Variants in GRID2 observed in about 807,000 individuals in gnomAD.
GRID2 encodes the protein glutamate ionotropic receptor delta type subunit 2, also known as glutamate receptor ionotropic, delta-2.
Under a neutral mutation model 114.8 loss-of-function variants are expected in GRID2, and 33 were observed. The observed-to-expected ratio is 0.29, with a 90% CI of 0.22 to 0.38. GRID2 has a LOEUF of 0.38. GRID2 is among the 10% of genes least tolerant of loss of function. The pLI, the probability that GRID2 is intolerant of heterozygous loss-of-function variation, is 1.00. For synonymous variants in GRID2, 505 were observed against 449.9 expected (o/e 1.12, Z -1.55); for missense variants, 1,184 against 1,257.7 (o/e 0.94, Z 0.89).
chr4:92,923,940 A>C (rs1749585512), intron 2 of GRID2, among the ~76,000 whole-genome samples: 1 of 152,208 alleles, frequency 6.6e-6, no homozygotes, highest in Non-Finnish European at 1.5e-5. Flanking sequence ...CTATAAAGAC[A>C]CATGCACACG....
chr4:93,131,703 C>G (rs1160685), intron 4 of GRID2, among the ~76,000 whole-genome samples: 86,071 of 151,752 alleles, frequency 0.57, 25,948 homozygotes, highest in African/African-American at 0.75. Flanking sequence ...AGGATACAAT[C>G]TGTAATGATT....
intron 14 of GRID2, among the ~76,000 whole-genome samples, chr4:93,759,325 G>A (rs1733017350): frequency 6.6e-6 from 1 of 151,856 alleles, no homozygotes; most frequent in Non-Finnish European, 1.5e-5. Flanking sequence ...ATTTGAATGG[G>A]CACCATATAT....
chr4:92,798,507 G>C (rs1739998053), intron 2 of GRID2, among the ~76,000 whole-genome samples: 1 of 151,992 alleles, frequency 6.6e-6, no homozygotes, highest in African/African-American at 2.4e-5. Flanking sequence ...AAAAATATGG[G>C]ATTGAGTTGC....
intron 8 of GRID2, among the ~76,000 whole-genome samples, chr4:93,272,501 A>T (rs1338028380): frequency 1.3e-5 from 2 of 152,122 alleles, no homozygotes; most frequent in Non-Finnish European, 2.9e-5. Flanking sequence ...GTAGGAGATG[A>T]TGCTCTAGCG....
intron 2 of GRID2, among the ~76,000 whole-genome samples, chr4:92,622,330 A>G (rs1254146903): frequency 6.6e-6 from 1 of 151,666 alleles, no homozygotes; most frequent in Non-Finnish European, 1.5e-5. Context: ...TATTTTCTGA[A>G]TTTTCTTATA....
At chr4:92,773,942 G>A (rs1738660988) in intron 2 of GRID2, among the ~76,000 whole-genome samples, 1 of 152,034 alleles carries the variant, frequency 6.6e-6, no homozygotes, top group African/African-American at 2.4e-5. Context: ...CATTCCATAT[G>A]CTTTTAAGTG....
Position 93,785,538 on chromosome 4 carries a change from T to TA in GRID2, c.221+16092dup, listed in dbSNP as rs973181414. 5.3e-5 allele frequency among the ~76,000 whole-genome samples: 8 copies of TA among 152,206 alleles called. 1 individual carries two copies. Among genetic ancestry groups the TA allele is most frequent in the African/African-American group, 1.9e-4 (8 of 41,520 alleles). On this transcript the variant is annotated intron_variant, in intron 1 of 1. Coordinates refer to the GRID2 transcript ENST00000637838. ...CAGGGACTGAAAGAAGTCAAGCTGA[T>TA]AAAAGGAAAATATCAAGAAAATTTT...
chr4:93,235,299 G>A (rs1194826945), intron 7 of GRID2, among the ~76,000 whole-genome samples: 1 of 151,962 alleles, frequency 6.6e-6, no homozygotes, highest in Non-Finnish European at 1.5e-5. Flanking sequence ...CCAATTTAAA[G>A]GACGTTTAGA....
At chr4:92,700,036 G>A (rs1201812019) in intron 2 of GRID2, among the ~76,000 whole-genome samples, 1 of 152,054 alleles carries the variant, frequency 6.6e-6, no homozygotes, top group African/African-American at 2.4e-5. Flanking sequence ...GTTTTCTGTT[G>A]GTAATAAGCC....
chr4:93,226,789 G>C (rs1416267892), intron 7 of GRID2, among the ~76,000 whole-genome samples: 1 of 152,168 alleles, frequency 6.6e-6, no homozygotes. Flanking sequence ...GTCTCTGCCT[G>C]AGTCTTCATG....
rs1725265007 is a variant in GRID2, at chr4:92,304,308, G to GC, written c.-344dup. On this transcript the variant is annotated 5_prime_UTR_variant, in exon 1 of 16. Transcript: ENST00000282020. ...GCGGAGCTGGGACCGGAGACCCGCG[G>GC]CCCCCGCGCAGCGATGGGTCTGATC... 3.8e-6 allele frequency: 1 copy of GC among 260,054 alleles called. No homozygotes were observed. The highest frequency in any genetic ancestry group is 2.3e-5 in the African/African-American group (1 of 43,156). The allele number at this position is 260,054 out of a possible 1,614,324, so 16.1% of individuals were successfully genotyped here. A position where few individuals can be genotyped will look rare whatever the true frequency, so the allele number is the denominator to read the frequency against.
In GRID2 at chr4:93,490,924, C is replaced by G. The variant is rs578004312; in HGVS notation, c.1997+147C>G. On this transcript the variant is annotated intron_variant, in intron 12 of 15. Transcript: ENST00000282020. ...TCAATTTTGTGTTACTGCAAAGTATCACTGATTAGTCCAAGTCCTGGAAAT... is the reference window on the plus strand; with the variant it reads ...TCAATTTTGTGTTACTGCAAAGTATGACTGATTAGTCCAAGTCCTGGAAAT... 1.7e-3 allele frequency: 964 copies of G among 567,120 alleles called. 23 individuals are homozygous for G. In the South Asian group the frequency reaches 0.024, roughly 14 times the overall value. 35.1% of individuals were successfully genotyped at this position (567,120 alleles called of 1,614,324 possible). A position where few individuals can be genotyped will look rare whatever the true frequency, so the allele number is the denominator to read the frequency against.
chr4:93,054,198 G>A (rs929856282), intron 2 of GRID2, among the ~76,000 whole-genome samples: 7 of 151,684 alleles, frequency 4.6e-5, no homozygotes, highest in African/African-American at 1.5e-4. Context: ...AAACAAACAA[G>A]CAAAGTATGG....
intron 8 of GRID2, among the ~76,000 whole-genome samples, chr4:93,248,292 G>A (rs941885110): frequency 1.3e-5 from 2 of 152,144 alleles, no homozygotes; most frequent in Non-Finnish European, 2.9e-5. Context: ...GCTCATATGG[G>A]TACTCCTTTA....
At chr4:93,152,232 ACTAT>A (rs751087741) in intron 4 of GRID2, among the ~76,000 whole-genome samples, 5 of 152,134 alleles carry the variant, frequency 3.3e-5, no homozygotes, top group Non-Finnish European at 5.9e-5. Context: ...TTCCTTATGG[ACTAT>A]CTAATTCTTT....
In GRID2 at chr4:93,594,054, T is replaced by A. The variant is rs1210353893; in HGVS notation, c.2194-32215T>A. Among the ~76,000 whole-genome samples the A allele has an allele frequency of 2.0e-5, 3 of 152,210 alleles. 1 individual carries two copies. Among genetic ancestry groups the A allele is most frequent in the Admixed American group, 2.0e-4 (3 of 15,282 alleles). ...TCGTCTGAAGCCTTCTTCTCTCAGC[T>A]CGTCAAAGTCGTTCTCCGTCCAGCT... On this transcript the variant is annotated intron_variant, in intron 13 of 15. Coordinates refer to ENST00000282020, the MANE Select transcript of GRID2 (RefSeq NM_001510.4).
intron 1 of GRID2, among the ~76,000 whole-genome samples, chr4:92,328,401 A>G (rs1215454583): frequency 6.6e-6 from 1 of 152,076 alleles, no homozygotes; most frequent in Non-Finnish European, 1.5e-5. Context: ...AAACATTCAG[A>G]AGTAATCACA....
intron 8 of GRID2, among the ~76,000 whole-genome samples, chr4:93,351,424 G>A (rs1271625429): frequency 6.6e-6 from 1 of 151,992 alleles, no homozygotes; most frequent in East Asian, 1.9e-4. Flanking sequence ...TAGCCTTTGA[G>A]ACTGATCAAG....
At chr4:93,694,374 A>G (rs1177431788) in intron 14 of GRID2, among the ~76,000 whole-genome samples, 1 of 152,134 alleles carries the variant, frequency 6.6e-6, no homozygotes, top group Admixed American at 6.5e-5. Context: ...GTTTCCATTC[A>G]GTAGGTCTTC....
Sources: gnomAD v4.1 joint callset for allele counts (sites outside exome capture counted in the v4.1 genomes callset) on GRCh38, gnomAD v4.1.1 for gene constraint, MANE v1.5 for transcripts, NCBI Gene and HGNC (gene_info 2026-07-23, HGNC 2026-07-21) for gene names.